The following CDH17 variants were observed in gnomAD, a reference collection of about 807,000 sequenced individuals.
The protein encoded by CDH17 is cadherin-17.
CDH17 carries 67 observed loss-of-function variants against 86.3 expected under a neutral mutation model. The ratio of observed to expected loss-of-function variants is 0.78; its 90% CI spans 0.64 to 0.95. The LOEUF is 0.95. CDH17 is among the 40% of genes least tolerant of loss of function. The pLI is 0.00. For synonymous variants in CDH17, 367 were observed against 366.4 expected, an observed-to-expected ratio of 1.00 and a Z score of -0.02; for missense variants, 993 against 1,017.6, an observed-to-expected ratio of 0.98 and a Z score of 0.33.
chr8:94,130,760 T>C, intron 16 of CDH17, 21 bp from the exon 17 acceptor site: 2 of 1,594,000 alleles, frequency 1.3e-6, no homozygotes, highest in Non-Finnish European at 1.7e-6. Flanking sequence ...GGACAGTATT[T>C]GGTAGGATAA....
chr8:94,201,911 AT>A, intron 1 of CDH17: 1 of 179,614 alleles, frequency 5.6e-6, no homozygotes. Context: ...TTCTTAAGAA[AT>A]TTAGAACACC....
intron 2 of CDH17, among the ~76,000 whole-genome samples, chr8:94,193,777 C>CG (rs1813730111): frequency 6.6e-6 from 1 of 152,048 alleles, no homozygotes; most frequent in Non-Finnish European, 1.5e-5. Flanking sequence ...AGATTTCCCC[C>CG]GGGAGGAAGG....
chr8:94,196,105 A>G (rs934087884), intron 1 of CDH17, among the ~76,000 whole-genome samples: 1 of 152,174 alleles, frequency 6.6e-6, no homozygotes, highest in Non-Finnish European at 1.5e-5. Context: ...GAAAATTCCA[A>G]TCACTTTATT....
In CDH17 at chr8:94,160,152, AG is replaced by A; in HGVS notation, c.1369del (p.Leu457Ter). The A allele has an allele frequency of 1.9e-6, 3 of 1,611,400 alleles. No homozygotes were observed. Among genetic ancestry groups the A allele is most frequent in the Non-Finnish European group, 2.5e-6 (3 of 1,178,826 alleles). The part of the protein sequence containing the change: ...PIFEKSDYGN[L>X]TLAEDTNIGS... ...AATGTTTGTGTCTTCAGCAAGAGTC[AG>A]GTTTCCATACTAAGGAGAAAATGGA... On this transcript the variant is annotated frameshift_variant, in exon 12 of 18. Transcript: ENST00000027335. LOFTEE classifies it high-confidence loss of function.
intron 3 of CDH17, among the ~76,000 whole-genome samples, chr8:94,185,312 CA>C (rs2130657227): frequency 6.7e-6 from 1 of 148,276 alleles, no homozygotes; most frequent in African/African-American, 2.5e-5. Flanking sequence ...CACACACACA[CA>C]CCCCTGTAAA....
intron 2 of CDH17, among the ~76,000 whole-genome samples, chr8:94,189,763 A>C (rs535176446): frequency 2.6e-5 from 4 of 152,366 alleles, no homozygotes; most frequent in African/African-American, 9.6e-5. Context: ...TATAAGGGGG[A>C]GAAAGAAAAT....
chr8:94,206,325 C>T (rs1814025667), intron 1 of CDH17, among the ~76,000 whole-genome samples: 1 of 152,182 alleles, frequency 6.6e-6, no homozygotes, highest in African/African-American at 2.4e-5. Context: ...CCTTAAAATT[C>T]CGTGTGTCTT....
At chr8:94,204,494 G>C (rs1224310455) in intron 1 of CDH17, among the ~76,000 whole-genome samples, 1 of 152,138 alleles carries the variant, frequency 6.6e-6, no homozygotes, top group East Asian at 1.9e-4. Flanking sequence ...TTTTATGGCT[G>C]CATAGTATTC....
intron 12 of CDH17, among the ~76,000 whole-genome samples, chr8:94,157,553 A>G (rs570866964): frequency 6.6e-5 from 10 of 152,188 alleles, no homozygotes; most frequent in Non-Finnish European, 1.3e-4. Context: ...AATTAGAACT[A>G]GAAAGTTTGT....
At chr8:94,134,874 G>A (rs1812491447) in intron 15 of CDH17, among the ~76,000 whole-genome samples, 1 of 152,006 alleles carries the variant, frequency 6.6e-6, no homozygotes, top group East Asian at 1.9e-4. Context: ...TGTTCTCATT[G>A]GTTTCAAAAA....
At chr8:94,136,756 G>A (rs1812537723) in intron 15 of CDH17, among the ~76,000 whole-genome samples, 1 of 152,112 alleles carries the variant, frequency 6.6e-6, no homozygotes, top group Non-Finnish European at 1.5e-5. Flanking sequence ...TTTCTGCTCT[G>A]GTTTCTCTCC....
Position 94,174,178 on chromosome 8 carries a change from G to A in CDH17, c.507C>T (p.Ile169=), listed in dbSNP as rs759754816. Residue 169 remains isoleucine (I), a synonymous_variant, in exon 6 of 18, where the codon ATC becomes ATT. Coordinates refer to ENST00000027335, the MANE Select transcript of CDH17 (RefSeq NM_004063.4). ...TGACATTGTTGATCATGGGAAGCTG[G>A]ATGACAATCTGGTAATAAAGCTGGC... The part of the protein sequence containing the change: ...PNGQLYYQIV[I]QLPMINNVMY... The A allele has an allele frequency of 1.2e-6, 2 of 1,613,408 alleles. No homozygotes were observed. The highest frequency in any genetic ancestry group is 1.7e-5 in the Admixed American group (1 of 59,970).
chr8:94,128,490 G>A lies in CDH17; in HGVS notation c.2399-150C>T, dbSNP rs74962444. On this transcript the variant is annotated intron_variant, in intron 17 of 17. Transcript: ENST00000027335. ...AAATTTCACTGTCCTAGTGAATAAG[G>A]GACTCTAGTCGTTGGCCTTCTTGGA... The A allele has an allele frequency of 3.3e-3, 1,974 of 605,636 alleles. 21 individuals are homozygous for A. The highest frequency in any genetic ancestry group is 0.025 in the African/African-American group (1,343 of 53,808). The allele number at this position is 605,636 out of a possible 1,614,324, so 37.5% of individuals were successfully genotyped here.
At chr8:94,162,034 G>T (rs575353537) in intron 11 of CDH17, 52 bp downstream of exon 11, 2 of 1,114,256 alleles carry the variant, frequency 1.8e-6, no homozygotes, top group African/African-American at 1.5e-5. Context: ...AGAAGAAAGG[G>T]TGAAGTAAAA....
At chr8:94,175,769 G>A (rs1813359436) in intron 5 of CDH17, among the ~76,000 whole-genome samples, 1 of 152,042 alleles carries the variant, frequency 6.6e-6, no homozygotes, top group African/African-American at 2.4e-5. Flanking sequence ...GAAAAGAGCT[G>A]GAAACCACCA....
intron 14 of CDH17, 142 bp from the exon 15 acceptor site, chr8:94,146,309 G>C (rs1812743043): frequency 1.6e-6 from 1 of 635,542 alleles, no homozygotes; most frequent in Non-Finnish European, 2.4e-6. Context: ...CAAAGACCTA[G>C]TTTCATTACT....
At chr8:94,164,309 C>T (rs1031928583) in intron 10 of CDH17, among the ~76,000 whole-genome samples, 2 of 152,148 alleles carry the variant, frequency 1.3e-5, no homozygotes, top group African/African-American at 4.8e-5. Context: ...TGGGCAGTTC[C>T]TTGCAATTTA....
At chr8:94,183,793 T>C (rs952073269) in intron 3 of CDH17, among the ~76,000 whole-genome samples, 2 of 150,266 alleles carry the variant, frequency 1.3e-5, no homozygotes, top group African/African-American at 4.9e-5. Flanking sequence ...TGTGAGAAAA[T>C]ACTTGCTGCA....
At chr8:94,204,516 T>C (rs973257833) in intron 1 of CDH17, among the ~76,000 whole-genome samples, 2 of 152,184 alleles carry the variant, frequency 1.3e-5, no homozygotes, top group African/African-American at 2.4e-5. Context: ...ATGGTGTATA[T>C]GTGCCACATT....
Sources: gnomAD v4.1 joint callset for allele counts (sites outside exome capture counted in the v4.1 genomes callset) on GRCh38, gnomAD v4.1.1 for gene constraint, MANE v1.5 for transcripts, NCBI Gene and HGNC (gene_info 2026-07-23, HGNC 2026-07-21) for gene names.